Variants in COL23A1 observed in about 807,000 individuals in gnomAD.
COL23A1 encodes collagen alpha-1(XXIII) chain.
A neutral mutation model predicts 99.3 loss-of-function variants in COL23A1; 97 were observed. The ratio of observed to expected loss-of-function variants is 0.98; its 90% confidence interval spans 0.83 to 1.16. The LOEUF (loss-of-function observed/expected upper bound fraction) is 1.16, where lower values mean the gene tolerates loss of function less well. Ranked by LOEUF, COL23A1 falls within the 50% of genes most tolerant of loss-of-function variation. The pLI is 0.00. For missense variants in COL23A1, 762 were observed against 757.4 expected, an observed-to-expected ratio of 1.01 and a Z score of -0.07; for synonymous variants, 320 against 308.2, an observed-to-expected ratio of 1.04 and a Z score of -0.40.
chr5:178,450,482 C>T (rs1439763926), intron 2 of COL23A1, among the ~76,000 whole-genome samples: 2 of 152,128 alleles, frequency 1.3e-5, no homozygotes, highest in African/African-American at 2.4e-5. Context: ...GAGAGGACAT[C>T]GCACGCTGAG....
intron 27 of COL23A1, among the ~76,000 whole-genome samples, chr5:178,241,562 C>T (rs1159697212): frequency 1.3e-5 from 2 of 152,192 alleles, no homozygotes. Context: ...CAGACCACAG[C>T]GATGGGGCTG....
intron 2 of COL23A1, among the ~76,000 whole-genome samples, chr5:178,467,989 G>A (rs957801091): frequency 6.6e-6 from 1 of 152,196 alleles, no homozygotes; most frequent in African/African-American, 2.4e-5. Flanking sequence ...CACTGAGAAG[G>A]AACTGGAAGG....
chr5:178,365,752 G>A lies in COL23A1; in HGVS notation c.362-58833C>T, dbSNP rs1434018699. On this transcript the variant is annotated intron_variant, in intron 2 of 28. Coordinates refer to ENST00000390654, the MANE Select transcript of COL23A1 (RefSeq NM_173465.4). This position sits in a 1 kb window ranked among gnomAD's most constrained non-coding sequence, Gnocchi z 5.2. ...TGTCTTGTTCTCCACGCCCAGTTCTGATGTCACCTTTCTCACACCCAGGAG... is the reference window on the plus strand; with the variant it reads ...TGTCTTGTTCTCCACGCCCAGTTCTAATGTCACCTTTCTCACACCCAGGAG... 6.6e-6 allele frequency among the ~76,000 whole-genome samples: 1 copy of A among 152,078 alleles called. No homozygotes were observed. Among genetic ancestry groups the A allele is most frequent in the Admixed American group, 6.5e-5 (1 of 15,272 alleles).
chr5:178,329,479 AC>A (rs1759882411), intron 2 of COL23A1, among the ~76,000 whole-genome samples: 1 of 152,028 alleles, frequency 6.6e-6, no homozygotes, highest in Admixed American at 6.6e-5. Flanking sequence ...ACCCATGCCT[AC>A]CCACCCCCAC....
At chr5:178,311,092 ACACG>A (rs1758645356) in intron 2 of COL23A1, among the ~76,000 whole-genome samples, 3 of 152,162 alleles carry the variant, frequency 2.0e-5, no homozygotes, top group Non-Finnish European at 4.4e-5. Context: ...CATGGGACCC[ACACG>A]GCTCTGAGCT....
chr5:178,590,390 G>T lies in COL23A1; in HGVS notation c.-193C>A. ...TCCTCCACAGCGGCCACTTTGGGCA[G>T]TTTCCTCTATGCAAATAGACCCTGC... On this transcript the variant is annotated 5_prime_UTR_variant, in exon 1 of 29. The change creates a new upstream start codon in the 5' untranslated region. Transcript: ENST00000390654. The surrounding 1 kb of genome is among the most constrained non-coding windows in gnomAD (Gnocchi z 5.7). 1 of 379,590 alleles carries T rather than the reference G, an allele frequency of 2.6e-6. No individual in the cohort carries two copies. The highest frequency in any genetic ancestry group is 4.3e-6 in the Non-Finnish European group (1 of 233,786). 23.5% of individuals were successfully genotyped at this position (379,590 alleles called of 1,614,324 possible). A position where few individuals can be genotyped will look rare whatever the true frequency, so the allele number is the denominator to read the frequency against.
chr5:178,540,542 T>G (rs1761228726), intron 2 of COL23A1, among the ~76,000 whole-genome samples: 1 of 152,218 alleles, frequency 6.6e-6, no homozygotes, highest in South Asian at 2.1e-4. Context: ...TGGAGAGAGA[T>G]ACCATGTTCA....
chr5:178,377,452 C>T (rs573732223), intron 2 of COL23A1, among the ~76,000 whole-genome samples: 1 of 152,318 alleles, frequency 6.6e-6, no homozygotes, highest in South Asian at 2.1e-4. Context: ...GGCAGTCAGT[C>T]CCGACATGGG....
chr5:178,265,353 G>A (rs1755823334), intron 8 of COL23A1, among the ~76,000 whole-genome samples: 1 of 152,196 alleles, frequency 6.6e-6, no homozygotes, highest in Non-Finnish European at 1.5e-5. Context: ...ATGGTGGCGG[G>A]TGATTCCTGT....
chr5:178,464,724 T>C (rs1756321665), intron 2 of COL23A1, among the ~76,000 whole-genome samples: 1 of 152,236 alleles, frequency 6.6e-6, no homozygotes, highest in African/African-American at 2.4e-5. Flanking sequence ...AAATGGTTAA[T>C]GATTCAAATG....
intron 2 of COL23A1, among the ~76,000 whole-genome samples, chr5:178,559,837 G>A (rs955843383): frequency 1.3e-5 from 2 of 148,668 alleles, no homozygotes; most frequent in Non-Finnish European, 1.5e-5. Flanking sequence ...CCTGCACGTC[G>A]AGAAGTCTGA....
intron 2 of COL23A1, among the ~76,000 whole-genome samples, chr5:178,464,486 C>G (rs1051348012): frequency 6.6e-6 from 1 of 152,168 alleles, no homozygotes; most frequent in Non-Finnish European, 1.5e-5. Context: ...TTTCAATGTG[C>G]ACGTACCCCA....
At chr5:178,297,794 T>G (rs1453149565) in intron 3 of COL23A1, among the ~76,000 whole-genome samples, 1 of 152,124 alleles carries the variant, frequency 6.6e-6, no homozygotes, top group Non-Finnish European at 1.5e-5. Context: ...CAGCATGTGC[T>G]GAATGGATGA....
chr5:178,407,347 T>G (rs533689274), intron 2 of COL23A1, among the ~76,000 whole-genome samples: 1 of 152,218 alleles, frequency 6.6e-6, no homozygotes, highest in Non-Finnish European at 1.5e-5. Flanking sequence ...ATCAGCATGG[T>G]GTCGGAGGGG....
At chr5:178,356,689 C>T (rs562787522) in intron 2 of COL23A1, among the ~76,000 whole-genome samples, 7 of 152,328 alleles carry the variant, frequency 4.6e-5, no homozygotes, top group Non-Finnish European at 8.8e-5. Context: ...CCATTGCCGC[C>T]GGAGCAGAGC....
In COL23A1 at chr5:178,438,651, G is replaced by A. The variant is rs563140754; in HGVS notation, c.361+122031C>T. On this transcript the variant is annotated intron_variant, in intron 2 of 28. Coordinates refer to ENST00000390654, the MANE Select transcript of COL23A1 (RefSeq NM_173465.4). ...TTACAGAACACGTGCAGTGGAATCT[G>A]GTTTTATTTTTTAGCAACATGTACT... is the stretch of plus-strand genomic sequence containing the variant. 3.3e-5 allele frequency: 5 copies of A among 151,994 alleles called. No homozygotes were observed. The South Asian group carries it at 8.3e-4, about 25-fold the overall frequency. 9.4% of individuals were successfully genotyped at this position (151,994 alleles called of 1,614,324 possible). A position where few individuals can be genotyped will look rare whatever the true frequency, so the allele number is the denominator to read the frequency against.
Position 178,518,520 on chromosome 5 carries a change from A to G in COL23A1, c.361+42162T>C, listed in dbSNP as rs1423287733. ...TCCCGGACGGGGTGGCTGGCCGGGC[A>G]GAGGGGCTCCTCACTTCTCAGACGG... On this transcript the variant is annotated intron_variant, in intron 2 of 28. Coordinates refer to ENST00000390654, the MANE Select transcript of COL23A1 (RefSeq NM_173465.4). Among the ~76,000 whole-genome samples, 72 of 127,740 alleles carry G rather than the reference A, an allele frequency of 5.6e-4. 1 individual carries two copies. Among genetic ancestry groups the G allele is most frequent in the Admixed American group, 2.7e-3 (36 of 13,200 alleles). 83.8% of individuals were successfully genotyped at this position (127,740 alleles called of 152,430 possible).
intron 27 of COL23A1, among the ~76,000 whole-genome samples, chr5:178,240,808 T>C (rs1764354747): frequency 6.6e-6 from 1 of 152,228 alleles, no homozygotes. Flanking sequence ...GAGGCCGGCC[T>C]GCACACATCC....
chr5:178,554,458 T>A (rs962453495), intron 2 of COL23A1, among the ~76,000 whole-genome samples: 1 of 152,178 alleles, frequency 6.6e-6, no homozygotes, highest in African/African-American at 2.4e-5. Flanking sequence ...GAATTACAGA[T>A]GTGTGCCACC....
Sources: gnomAD v4.1 joint callset for allele counts (sites outside exome capture counted in the v4.1 genomes callset) on GRCh38, gnomAD v4.1.1 for gene constraint, Gnocchi (gnomAD v3.1) non-coding constraint, MANE v1.5 for transcripts, NCBI Gene and HGNC (gene_info 2026-07-23, HGNC 2026-07-21) for gene names.